The following TARS3 variants were observed in gnomAD, a reference collection of about 807,000 sequenced individuals.
TARS3 encodes the protein threonyl-tRNA synthetase 3.
In TARS3, 94 loss-of-function variants were observed where a neutral mutation model predicts 103.5. The observed-to-expected ratio is 0.91, with a 90% CI of 0.77 to 1.08. The LOEUF is 1.08. TARS3 is among the 50% of genes least tolerant of loss of function. The probability of loss-of-function intolerance (pLI) is 0.00; values close to 1 mark genes in which losing one functional copy is unlikely to be tolerated. For synonymous variants in TARS3, 416 were observed against 355.4 expected (o/e 1.17, Z -1.92); for missense variants, 952 against 995.2 (o/e 0.96, Z 0.58).
chr15:101,681,440 T>TA (rs1444443279), intron 12 of TARS3, among the ~76,000 whole-genome samples: 1 of 152,232 alleles, frequency 6.6e-6, no homozygotes, highest in Non-Finnish European at 1.5e-5. Flanking sequence ...AGGCCTTCTT[T>TA]AAATTTATCT....
chr15:101,683,948 G>C, intron 12 of TARS3, 127 bp downstream of exon 12: 1 of 816,404 alleles, frequency 1.2e-6, no homozygotes, highest in Non-Finnish European at 1.8e-6. Flanking sequence ...CAGCAGGTTA[G>C]AGCTGAATGA....
At chr15:101,664,747 G>A (rs1056178620) in intron 15 of TARS3, among the ~76,000 whole-genome samples, 2 of 152,154 alleles carry the variant, frequency 1.3e-5, no homozygotes, top group Non-Finnish European at 2.9e-5. Context: ...GAATCATTAG[G>A]AAAATTTTCA....
intron 10 of TARS3, among the ~76,000 whole-genome samples, chr15:101,688,064 G>A (rs561110211): frequency 4.6e-4 from 70 of 152,096 alleles, no homozygotes; most frequent in African/African-American, 1.5e-3. Flanking sequence ...ATGAGATGAA[G>A]TGTCAGCAAC....
At chr15:101,703,521 C>T (rs552865236) in intron 8 of TARS3, among the ~76,000 whole-genome samples, 4 of 152,078 alleles carry the variant, frequency 2.6e-5, no homozygotes, top group South Asian at 2.1e-4. Flanking sequence ...ACCCAGGAGG[C>T]GGAGATTGCA....
intron 3 of TARS3, among the ~76,000 whole-genome samples, chr15:101,720,721 C>G (rs1900407092): frequency 6.6e-6 from 1 of 152,108 alleles, no homozygotes; most frequent in East Asian, 1.9e-4. Flanking sequence ...CTCTAGTTCC[C>G]ATAATCCCCA....
chr15:101,656,053 G>A, intron 18 of TARS3: 2 of 1,289,106 alleles, frequency 1.6e-6, no homozygotes, highest in Non-Finnish European at 2.0e-6. Context: ...AGATATTCAA[G>A]AGAAGCATAA....
chr15:101,683,287 T>C (rs1227046750), intron 12 of TARS3, among the ~76,000 whole-genome samples: 1 of 152,242 alleles, frequency 6.6e-6, no homozygotes, highest in African/African-American at 2.4e-5. Flanking sequence ...AATTTTGATG[T>C]GTTTTTATTT....
At chr15:101,714,707 T>A in intron 4 of TARS3, 133 bp downstream of exon 4, 1 of 576,448 alleles carries the variant, frequency 1.7e-6, no homozygotes, top group African/African-American at 2.0e-5. Flanking sequence ...TTATTAAACA[T>A]CAATAATCAA....
intron 18 of TARS3, among the ~76,000 whole-genome samples, chr15:101,655,070 G>A (rs1389989818): frequency 6.6e-6 from 1 of 151,268 alleles, no homozygotes; most frequent in African/African-American, 2.4e-5. Flanking sequence ...CTGGCACTAG[G>A]GCGCAAATGA....
At chr15:101,708,948 G>C in intron 5 of TARS3, 38 bp from the exon 6 acceptor site, 2 of 1,305,480 alleles carry the variant, frequency 1.5e-6, no homozygotes, top group East Asian at 4.9e-5. Context: ...CCATCTTCCA[G>C]ACATTATGCA....
intron 15 of TARS3, chr15:101,664,574 C>T (rs551362193): frequency 5.3e-5 from 8 of 152,258 alleles, no homozygotes; most frequent in African/African-American, 1.7e-4. Flanking sequence ...GAACTGACAC[C>T]GAACCGCAGC....
At chr15:101,663,478 T>C (rs749473062) in intron 15 of TARS3, among the ~76,000 whole-genome samples, 1 of 152,252 alleles carries the variant, frequency 6.6e-6, no homozygotes, top group Non-Finnish European at 1.5e-5. Flanking sequence ...ACAACAATGA[T>C]ATTGCCTAAC....
At chr15:101,661,856 A>T (rs889740024) in intron 15 of TARS3, 40 bp from the exon 16 acceptor site, 71 of 1,244,178 alleles carry the variant, frequency 5.7e-5, no homozygotes, top group Non-Finnish European at 7.9e-5. Flanking sequence ...TTTTCCTAAG[A>T]TTCAATAACT....
chr15:101,660,464 A>G (rs1897334814), intron 16 of TARS3, among the ~76,000 whole-genome samples: 1 of 152,238 alleles, frequency 6.6e-6, no homozygotes. Flanking sequence ...AATCTCTTTC[A>G]TAGTCAGAAG....
At chr15:101,672,585 T>C (rs1897853250) in intron 13 of TARS3, among the ~76,000 whole-genome samples, 1 of 151,758 alleles carries the variant, frequency 6.6e-6, no homozygotes, top group Non-Finnish European at 1.5e-5. Flanking sequence ...GAAGCTGCCA[T>C]CATCAAGAAA....
chr15:101,671,655 C>A lies in TARS3; in HGVS notation c.1866+16G>T, dbSNP rs772331063. On this transcript the variant is annotated intron_variant, in intron 14 of 18. Transcript: ENST00000335968. ...TCTTTTACATTTTGCTGTTTTGAAG[C>A]ATGTGGTCGACTCACTTTAGGGCCA... 1 of 1,613,682 alleles carries A rather than the reference C, an allele frequency of 6.2e-7. No homozygotes were observed. The highest frequency in any genetic ancestry group is 8.5e-7 in the Non-Finnish European group (1 of 1,179,754).
At position 101,682,008 on chromosome 15, in the gene TARS3, T is replaced by C. The variant is rs536945241; in HGVS notation, c.1650+2067A>G. On this transcript the variant is annotated intron_variant, in intron 12 of 18. Coordinates refer to ENST00000335968, the MANE Select transcript of TARS3 (RefSeq NM_152334.3). Reference sequence around the variant, plus strand: ...GTATGTTGATATTCCATACTACAATTTTTCTAAATTCACCTTACTTCTAAT... The same window carrying C: ...GTATGTTGATATTCCATACTACAATCTTTCTAAATTCACCTTACTTCTAAT... Among the ~76,000 whole-genome samples, 6 of 152,332 alleles carry C rather than the reference T, an allele frequency of 3.9e-5. No individual in the cohort carries two copies. In the South Asian group the frequency reaches 1.2e-3, roughly 32 times the overall value.
In TARS3 at chr15:101,721,185, C is replaced by T. The variant is rs1382921903; in HGVS notation, c.507G>A (p.Gly169=). The T allele has an allele frequency of 1.2e-6, 2 of 1,612,748 alleles. No homozygotes were observed. Among genetic ancestry groups the T allele is most frequent in the Non-Finnish European group, 8.5e-7 (1 of 1,178,918 alleles). The part of the protein sequence containing the change: ...SNIITVRVAD[G]QTVQGEVWKT... ...TCCAGACTTCCCCTTGCACTGTTTG[C>T]CCATCAGCCACTCTTACTGTGATGA... The change falls in exon 3 of 19, where the codon GGG becomes GGA. Residue 169 remains glycine, a synonymous_variant. Coordinates refer to ENST00000335968, the MANE Select transcript of TARS3 (RefSeq NM_152334.3).
intron 2 of TARS3, among the ~76,000 whole-genome samples, chr15:101,721,639 C>G (rs181362337): frequency 4.0e-4 from 61 of 152,270 alleles, no homozygotes; most frequent in Non-Finnish European, 4.4e-5. Flanking sequence ...GGATTACAGG[C>G]ACGCACCACC....
Sources: allele counts gnomAD v4.1 joint callset (sites outside exome capture counted in the v4.1 genomes callset), GRCh38; gene constraint gnomAD v4.1.1; transcripts MANE v1.5; gene names NCBI Gene and HGNC (gene_info 2026-07-23, HGNC 2026-07-21).